RPS6KC1: variants seen among roughly 807,000 people sequenced by gnomAD.
RPS6KC1 encodes ribosomal protein S6 kinase C1, also known as inactive ribosomal protein S6 kinase delta-1.
Under a neutral mutation model 103.8 loss-of-function variants are expected in RPS6KC1, and 54 were observed. The ratio of observed to expected loss-of-function variants is 0.52; its 90% CI spans 0.42 to 0.65. The LOEUF is 0.65. Ranked by LOEUF, RPS6KC1 falls within the 30% of genes least tolerant of loss-of-function variation. RPS6KC1 has a pLI of 0.00. For missense variants in RPS6KC1, 1,151 were observed against 1,253.8 expected (o/e 0.92, Z 1.24); for synonymous variants, 439 against 438.7 (o/e 1.00, Z -0.01).
chr1:213,579,508 C>T, the RPS6KC1 span, among the ~76,000 whole-genome samples: 1 of 152,094 alleles, frequency 6.6e-6, no homozygotes, highest in Non-Finnish European at 1.5e-5. Context: ...GAAGATCTAG[C>T]TGAGATAAAT....
At chr1:213,717,375 T>C in the RPS6KC1 span, among the ~76,000 whole-genome samples, 15 of 152,160 alleles carry the variant, frequency 9.9e-5, no homozygotes, top group African/African-American at 3.6e-4. Context: ...TAAATAAAAG[T>C]TGACAAGGCA....
At chr1:213,341,620 A>G in the RPS6KC1 span, among the ~76,000 whole-genome samples, 1 of 152,350 alleles carries the variant, frequency 6.6e-6, no homozygotes, top group South Asian at 2.1e-4. Context: ...TGCATTGATC[A>G]GTTACTAAGT....
intron 6 of RPS6KC1, among the ~76,000 whole-genome samples, chr1:213,155,502 G>A (rs1288407521): frequency 6.6e-6 from 1 of 152,092 alleles, no homozygotes; most frequent in Non-Finnish European, 1.5e-5. Flanking sequence ...CTTTAGCTGA[G>A]TTTGGTCCAG....
the RPS6KC1 span, among the ~76,000 whole-genome samples, chr1:213,396,966 C>T: frequency 2.0e-5 from 3 of 152,176 alleles, no homozygotes; most frequent in Admixed American, 2.0e-4. Context: ...GCCAGGGTCT[C>T]CTTCCTCTCT....
the RPS6KC1 span, among the ~76,000 whole-genome samples, chr1:213,464,168 T>G: frequency 1.3e-5 from 2 of 152,210 alleles, no homozygotes; most frequent in African/African-American, 4.8e-5. Context: ...TGTGTTGTCC[T>G]TGTCCCGTCT....
the RPS6KC1 span, among the ~76,000 whole-genome samples, chr1:213,786,593 G>A: frequency 6.6e-6 from 1 of 152,168 alleles, no homozygotes; most frequent in Non-Finnish European, 1.5e-5. Flanking sequence ...AATCTCATCT[G>A]CTAACCTTAA....
the RPS6KC1 span, among the ~76,000 whole-genome samples, chr1:213,642,211 A>C: frequency 6.6e-6 from 1 of 152,070 alleles, no homozygotes; most frequent in African/African-American, 2.4e-5. Context: ...TGCTAGTTTG[A>C]TAGTACTTTC....
intron 6 of RPS6KC1, among the ~76,000 whole-genome samples, chr1:213,147,047 G>C (rs1330265002): frequency 6.6e-6 from 1 of 152,078 alleles, no homozygotes; most frequent in East Asian, 1.9e-4. Flanking sequence ...TGGATTATTA[G>C]ATTTTTTCCC....
the RPS6KC1 span, among the ~76,000 whole-genome samples, chr1:213,655,182 ACAGG>A: frequency 0.044 from 6,725 of 152,260 alleles, 251 homozygotes; most frequent in East Asian, 0.16. Context: ...AGCTGGGATT[ACAGG>A]CATGTGCCAC....
the RPS6KC1 span, among the ~76,000 whole-genome samples, chr1:213,399,894 T>C: frequency 2.0e-5 from 3 of 152,132 alleles, no homozygotes; most frequent in Non-Finnish European, 4.4e-5. Flanking sequence ...GTTTTTAGCT[T>C]GGCTTGACAA....
intron 8 of RPS6KC1, among the ~76,000 whole-genome samples, chr1:213,191,751 A>T (rs189474403): frequency 6.6e-6 from 1 of 151,972 alleles, no homozygotes; most frequent in Non-Finnish European, 1.5e-5. Context: ...TTTTTCCCCC[A>T]TTCAGTGTGA....
chr1:213,557,875 G>C, the RPS6KC1 span, among the ~76,000 whole-genome samples: 17 of 152,286 alleles, frequency 1.1e-4, no homozygotes, highest in African/African-American at 4.1e-4. Flanking sequence ...ATAAGGCTAA[G>C]TAAAAGGAAT....
At chr1:213,795,596 C>A in the RPS6KC1 span, among the ~76,000 whole-genome samples, 72 of 152,248 alleles carry the variant, frequency 4.7e-4, no homozygotes, top group African/African-American at 1.7e-3. Flanking sequence ...CTGGCTCCAA[C>A]AAAATCACTC....
chr1:213,475,092 C>A, the RPS6KC1 span, among the ~76,000 whole-genome samples: 10 of 152,296 alleles, frequency 6.6e-5, no homozygotes, highest in East Asian at 1.5e-3. Flanking sequence ...TTTGTGCTGG[C>A]AAAGTGAGTG....
At chr1:213,103,349 A>G (rs146339211) in intron 3 of RPS6KC1, among the ~76,000 whole-genome samples, 62 of 152,330 alleles carry the variant, frequency 4.1e-4, no homozygotes, top group Middle Eastern at 6.8e-3. Flanking sequence ...TGAAGATTCA[A>G]AGAACCATGA....
chr1:213,219,015 A>G (rs997415139), intron 8 of RPS6KC1, among the ~76,000 whole-genome samples: 1 of 152,246 alleles, frequency 6.6e-6, no homozygotes, highest in Non-Finnish European at 1.5e-5. Context: ...GACAAATGGT[A>G]TCTAATTAAA....
chr1:213,650,106 G>C, the RPS6KC1 span, among the ~76,000 whole-genome samples: 5 of 152,112 alleles, frequency 3.3e-5, no homozygotes, highest in Non-Finnish European at 5.9e-5. Flanking sequence ...GCCCAGGTTT[G>C]GTCCCTTTCT....
intron 8 of RPS6KC1, among the ~76,000 whole-genome samples, chr1:213,217,899 A>C (rs188848172): frequency 4.6e-5 from 7 of 152,196 alleles, no homozygotes; most frequent in African/African-American, 1.7e-4. Context: ...GTCTATGACA[A>C]ACCCACAGCC....
chr1:213,153,315 G>T (rs558200499), intron 6 of RPS6KC1, among the ~76,000 whole-genome samples: 1 of 151,376 alleles, frequency 6.6e-6, no homozygotes, highest in Admixed American at 6.6e-5. Flanking sequence ...GCAGGGGCAG[G>T]GGCAGGGGCA....
Sources: allele counts gnomAD v4.1 joint callset (sites outside exome capture counted in the v4.1 genomes callset), GRCh38; gene constraint gnomAD v4.1.1; transcripts MANE v1.5; gene names NCBI Gene and HGNC (gene_info 2026-07-23, HGNC 2026-07-21).